Variants in TASP1 observed in about 807,000 individuals in gnomAD.
TASP1 encodes the protein threonine aspartase 1.
A neutral mutation model predicts 56.6 loss-of-function variants in TASP1; 16 were observed. The ratio of observed to expected loss-of-function variants is 0.28; its 90% confidence interval spans 0.19 to 0.43. TASP1 has a LOEUF of 0.43. Ranked by LOEUF, TASP1 falls within the 20% of genes least tolerant of loss-of-function variation. The probability of loss-of-function intolerance (pLI) is 1.00; values close to 1 mark genes in which losing one functional copy is unlikely to be tolerated. For synonymous variants in TASP1, 179 were observed against 184.2 expected (o/e 0.97, Z 0.23); for missense variants, 393 against 511.6 (o/e 0.77, Z 2.24).
At chr20:13,381,032 C>T in the TASP1 span, among the ~76,000 whole-genome samples, 7 of 152,116 alleles carry the variant, frequency 4.6e-5, no homozygotes, top group South Asian at 2.1e-4. Context: ...TGGGATCTGC[C>T]GAGCTAGACC....
the TASP1 span, among the ~76,000 whole-genome samples, chr20:13,216,430 G>T: frequency 2.6e-3 from 397 of 152,300 alleles, 2 homozygotes; most frequent in African/African-American, 9.1e-3. Flanking sequence ...ATGTGGTCCA[G>T]CTGCCTAGCT....
intron 10 of TASP1, among the ~76,000 whole-genome samples, chr20:13,523,089 G>A: frequency 6.6e-6 from 1 of 152,140 alleles, no homozygotes; most frequent in East Asian, 1.9e-4. Flanking sequence ...GAATAAAATT[G>A]AGTGAGAGAA....
chr20:13,264,967 G>A, the TASP1 span, among the ~76,000 whole-genome samples: 2 of 152,200 alleles, frequency 1.3e-5, no homozygotes, highest in Admixed American at 6.5e-5. Context: ...CAGAGAAGTG[G>A]TAGCCTAGTG....
chr20:13,393,110 C>T (rs1600660686), intron 13 of TASP1: 60 of 631,102 alleles, frequency 9.5e-5, no homozygotes, highest in South Asian at 6.4e-4. Flanking sequence ...GTCTCAAGAT[C>T]GTCAGCAATG....
intron 6 of TASP1, among the ~76,000 whole-genome samples, chr20:13,580,565 TTATAAGGGC>T (rs1274889001): frequency 5.9e-5 from 9 of 152,170 alleles, no homozygotes; most frequent in South Asian, 4.1e-4. Context: ...TATCACAGGT[TTATAAGGGC>T]TATTTACTAT....
the TASP1 span, among the ~76,000 whole-genome samples, chr20:13,202,285 C>G: frequency 6.6e-6 from 1 of 152,128 alleles, no homozygotes; most frequent in Non-Finnish European, 1.5e-5. Context: ...TGGAAAGCAA[C>G]GTACAGAAGC....
chr20:13,398,222 CT>C (rs2041615196), intron 13 of TASP1, among the ~76,000 whole-genome samples: 1 of 152,114 alleles, frequency 6.6e-6, no homozygotes, highest in Admixed American at 6.5e-5. Context: ...CCACCAACAA[CT>C]GATTTGAAGA....
chr20:13,629,899 T>G, intron 2 of TASP1, 35 bp downstream of exon 2: 1 of 1,610,270 alleles, frequency 6.2e-7, no homozygotes, highest in Non-Finnish European at 8.5e-7. Flanking sequence ...AAAATCAACA[T>G]TATTGGCATC....
intron 8 of TASP1, among the ~76,000 whole-genome samples, chr20:13,544,233 C>A (rs989057661): frequency 1.3e-5 from 2 of 152,120 alleles, no homozygotes; most frequent in African/African-American, 4.8e-5. Flanking sequence ...TGAAAAAATT[C>A]TTTACTGCCC....
chr20:13,295,141 T>C, the TASP1 span, among the ~76,000 whole-genome samples: 1 of 152,146 alleles, frequency 6.6e-6, no homozygotes, highest in African/African-American at 2.4e-5. Flanking sequence ...TGCTGATGTC[T>C]TCCTCTCTTT....
chr20:13,403,291 A>C (rs761884073), intron 13 of TASP1, among the ~76,000 whole-genome samples: 7 of 152,210 alleles, frequency 4.6e-5, no homozygotes, highest in Non-Finnish European at 8.8e-5. Context: ...TTTCCACCAA[A>C]GGAGCACGGT....
At chr20:13,423,667 C>T (rs941139242) in intron 12 of TASP1, among the ~76,000 whole-genome samples, 4 of 152,164 alleles carry the variant, frequency 2.6e-5, no homozygotes, top group South Asian at 2.1e-4. Flanking sequence ...CTGGCAGCAA[C>T]GGTTCCTCCT....
the TASP1 span, among the ~76,000 whole-genome samples, chr20:13,339,632 G>A: frequency 6.6e-6 from 1 of 151,762 alleles, no homozygotes; most frequent in Non-Finnish European, 1.5e-5. Context: ...TTTTTTTGTA[G>A]ACACCAATAA....
chr20:13,416,495 C>T (rs1413384345), intron 13 of TASP1, among the ~76,000 whole-genome samples: 1 of 152,100 alleles, frequency 6.6e-6, no homozygotes, highest in African/African-American at 2.4e-5. Flanking sequence ...GGATAATATA[C>T]AAAGGATAGT....
intron 8 of TASP1, among the ~76,000 whole-genome samples, chr20:13,538,032 C>T (rs1433921289): frequency 3.6e-5 from 5 of 140,406 alleles, no homozygotes; most frequent in African/African-American, 7.9e-5. Context: ...GACAGAATTT[C>T]GCTCTTGTTG....
At chr20:13,293,590 G>T in the TASP1 span, among the ~76,000 whole-genome samples, 1 of 152,126 alleles carries the variant, frequency 6.6e-6, no homozygotes, top group Non-Finnish European at 1.5e-5. Flanking sequence ...AGGTAATGGG[G>T]TCAGGTAAGC....
the TASP1 span, among the ~76,000 whole-genome samples, chr20:13,283,049 A>T: frequency 6.6e-6 from 1 of 151,924 alleles, no homozygotes; most frequent in African/African-American, 2.4e-5. Context: ...TATTTATTTA[A>T]TTTTTTTAAG....
the TASP1 span, among the ~76,000 whole-genome samples, chr20:13,362,764 A>G: frequency 6.7e-6 from 1 of 148,936 alleles, no homozygotes; most frequent in African/African-American, 2.5e-5. Context: ...GCCTAGAATT[A>G]GCAGTAAAGG....
the TASP1 span, among the ~76,000 whole-genome samples, chr20:13,378,853 T>C: frequency 6.6e-6 from 1 of 152,216 alleles, no homozygotes; most frequent in African/African-American, 2.4e-5. Flanking sequence ...TTTTTGATCT[T>C]TGTTGGTTTA....
Sources: allele counts gnomAD v4.1 joint callset (sites outside exome capture counted in the v4.1 genomes callset), GRCh38; gene constraint gnomAD v4.1.1; transcripts MANE v1.5; gene names NCBI Gene and HGNC (gene_info 2026-07-23, HGNC 2026-07-21).